Variants in CYTH3 observed in about 807,000 individuals in gnomAD.
CYTH3 encodes cytohesin 3.
Under a neutral mutation model 55.1 loss-of-function variants are expected in CYTH3, and 23 were observed. The observed-to-expected ratio is 0.42, with a 90% CI of 0.30 to 0.59. The LOEUF (loss-of-function observed/expected upper bound fraction) is 0.59, where lower values mean the gene tolerates loss of function less well. CYTH3 is among the 20% of genes least tolerant of loss of function. The probability of loss-of-function intolerance (pLI) is 0.20; values close to 1 mark genes in which losing one functional copy is unlikely to be tolerated. For synonymous variants in CYTH3, 249 were observed against 194.9 expected (o/e 1.28, Z -2.31); for missense variants, 413 against 524.8 (o/e 0.79, Z 2.08).
At chr7:6,221,366 A>G (rs145632952) in intron 1 of CYTH3, among the ~76,000 whole-genome samples, 32 of 152,348 alleles carry the variant, frequency 2.1e-4, no homozygotes, top group African/African-American at 7.7e-4. Flanking sequence ...TTTCAAAATG[A>G]TAACATCTCA....
rs746948126 is a variant in CYTH3 at position 6,164,699 on chromosome 7, C to A, written c.*245G>T. 7 of 561,936 alleles carry A rather than the reference C, an allele frequency of 1.2e-5. No homozygotes were observed. Among genetic ancestry groups the A allele is most frequent in the Non-Finnish European group, 2.2e-5 (7 of 316,504 alleles). The allele number at this position is 561,936 out of a possible 1,614,324, so 34.8% of individuals were successfully genotyped here. A position where few individuals can be genotyped will look rare whatever the true frequency, so the allele number is the denominator to read the frequency against. ...CCATGACCCCAGCCACGGCAGGAGGCCTCGAGGATCAGTCTGGGCCACGGT... is the reference window on the plus strand; with the variant it reads ...CCATGACCCCAGCCACGGCAGGAGGACTCGAGGATCAGTCTGGGCCACGGT... On this transcript the variant is annotated 3_prime_UTR_variant, in exon 13 of 13. Transcript: ENST00000350796.
intron 11 of CYTH3, 55 bp from the exon 12 acceptor site, chr7:6,165,482 G>A (rs1782971316): frequency 6.2e-7 from 1 of 1,609,482 alleles, no homozygotes; most frequent in Non-Finnish European, 8.5e-7. Flanking sequence ...CAGGTTCCCT[G>A]CAGGCAGTGA....
At chr7:6,211,601 G>C (rs1287745373) in intron 1 of CYTH3, among the ~76,000 whole-genome samples, 1 of 152,082 alleles carries the variant, frequency 6.6e-6, no homozygotes, top group Non-Finnish European at 1.5e-5. Context: ...CAAAGTGCTG[G>C]GATTACAGGA....
intron 2 of CYTH3, 84 bp downstream of exon 2, chr7:6,190,365 T>A: frequency 4.1e-6 from 4 of 964,496 alleles, no homozygotes; most frequent in African/African-American, 1.8e-5. Context: ...TTTTTTTACA[T>A]TTTTGTGAGG....
chr7:6,265,084 A>C (rs1780452690), intron 1 of CYTH3, among the ~76,000 whole-genome samples: 1 of 152,242 alleles, frequency 6.6e-6, no homozygotes, highest in Admixed American at 6.5e-5. Flanking sequence ...GCACTGAGGC[A>C]GGAGTGTGCT....
Position 6,171,020 on chromosome 7 carries a change from G to C in CYTH3, c.563-42C>G. 6.2e-7 allele frequency: 1 copy of C among 1,611,176 alleles called. No individual in the cohort carries two copies. Among genetic ancestry groups the C allele is most frequent in the Non-Finnish European group, 8.5e-7 (1 of 1,178,944 alleles). On this transcript the variant is annotated intron_variant, in intron 7 of 12. Coordinates refer to ENST00000350796, the MANE Select transcript of CYTH3 (RefSeq NM_004227.4). The surrounding 1 kb of genome is among the most constrained non-coding windows in gnomAD (Gnocchi z 6.7). ...GTGCTGGGCTCAGCCAGAACCTCCA[G>C]TGGACAGTGGGACCCCGCGTGCTGG...
At chr7:6,249,984 ACT>A (rs1779920163) in intron 1 of CYTH3, among the ~76,000 whole-genome samples, 1 of 152,188 alleles carries the variant, frequency 6.6e-6, no homozygotes, top group African/African-American at 2.4e-5. Context: ...CAAATGCAAG[ACT>A]GTACGCTTTG....
At chr7:6,253,643 C>T (rs1415119600) in intron 1 of CYTH3, among the ~76,000 whole-genome samples, 2 of 151,982 alleles carry the variant, frequency 1.3e-5, no homozygotes, top group African/African-American at 4.8e-5. Flanking sequence ...TGATGAAACC[C>T]TATCTCTACT....
At chr7:6,252,968 T>G (rs1369298176) in intron 1 of CYTH3, among the ~76,000 whole-genome samples, 3 of 152,250 alleles carry the variant, frequency 2.0e-5, no homozygotes, top group Non-Finnish European at 4.4e-5. Flanking sequence ...ACACACACAT[T>G]CCACTGACAT....
intron 1 of CYTH3, among the ~76,000 whole-genome samples, chr7:6,211,370 G>A (rs948323371): frequency 2.6e-5 from 4 of 152,248 alleles, no homozygotes; most frequent in Admixed American, 6.5e-5. Flanking sequence ...CTGAATGCAC[G>A]TTTTGTGGAG....
intron 1 of CYTH3, among the ~76,000 whole-genome samples, chr7:6,228,838 C>T (rs1291202649): frequency 6.6e-6 from 1 of 152,140 alleles, no homozygotes; most frequent in Non-Finnish European, 1.5e-5. Context: ...TCTTCTTTTC[C>T]TTTATTCCTC....
At chr7:6,263,558 G>C (rs1780409413) in intron 1 of CYTH3, among the ~76,000 whole-genome samples, 1 of 152,110 alleles carries the variant, frequency 6.6e-6, no homozygotes, top group Non-Finnish European at 1.5e-5. Context: ...GAATTTGGAA[G>C]GCCGAGGCAG....
chr7:6,257,187 G>A (rs976433123), intron 1 of CYTH3, among the ~76,000 whole-genome samples: 3 of 152,096 alleles, frequency 2.0e-5, no homozygotes, highest in African/African-American at 7.2e-5. Flanking sequence ...GTCATATACT[G>A]AATCAAAGTC....
rs1020039071 is a variant in CYTH3, at chr7:6,164,300, G to A, written c.*644C>T. 1 of 152,454 alleles carries A rather than the reference G, an allele frequency of 6.6e-6. No homozygotes were observed. The highest frequency in any genetic ancestry group is 2.4e-5 in the African/African-American group (1 of 41,370). 9.4% of individuals were successfully genotyped at this position (152,454 alleles called of 1,614,324 possible). On this transcript the variant is annotated 3_prime_UTR_variant, in exon 13 of 13. Coordinates refer to ENST00000350796, the MANE Select transcript of CYTH3 (RefSeq NM_004227.4). ...CTGTGTAGATGGATATTTTTTCAGT[G>A]CACAGTATATACTTGTGTCCAGGAG... is the stretch of plus-strand genomic sequence containing the variant.
At chr7:6,250,428 G>A (rs769310087) in intron 1 of CYTH3, among the ~76,000 whole-genome samples, 12 of 152,162 alleles carry the variant, frequency 7.9e-5, no homozygotes, top group Non-Finnish European at 1.6e-4. Context: ...TGACAGAGGT[G>A]AGCAAAACCT....
intron 1 of CYTH3, among the ~76,000 whole-genome samples, chr7:6,262,461 G>C (rs144020904): frequency 1.5e-3 from 233 of 152,282 alleles, no homozygotes; most frequent in African/African-American, 5.1e-3. Context: ...CTTAAAAGCA[G>C]CCTAAAGGGA....
chr7:6,209,791 C>T (rs1458263738), intron 1 of CYTH3, among the ~76,000 whole-genome samples: 1 of 152,170 alleles, frequency 6.6e-6, no homozygotes. Flanking sequence ...AAGAGATCAG[C>T]TCTCAAGCCT....
intron 1 of CYTH3, among the ~76,000 whole-genome samples, chr7:6,265,836 CA>C (rs1780478503): frequency 1.3e-5 from 2 of 151,888 alleles, no homozygotes; most frequent in Admixed American, 6.6e-5. Flanking sequence ...AGGCTTAAGG[CA>C]AAAGAAGTGA....
At chr7:6,241,071 G>C (rs1220066472) in intron 1 of CYTH3, among the ~76,000 whole-genome samples, 1 of 152,022 alleles carries the variant, frequency 6.6e-6, no homozygotes, top group African/African-American at 2.4e-5. Flanking sequence ...GCAGTGAGCC[G>C]AGATTGTGCC....
Sources: gnomAD v4.1 joint callset for allele counts (sites outside exome capture counted in the v4.1 genomes callset) on GRCh38, gnomAD v4.1.1 for gene constraint, Gnocchi (gnomAD v3.1) non-coding constraint, MANE v1.5 for transcripts, NCBI Gene and HGNC (gene_info 2026-07-23, HGNC 2026-07-21) for gene names.